NFIA: variants seen among roughly 807,000 people sequenced by gnomAD.
NFIA encodes nuclear factor 1 A-type.
In NFIA, 8 loss-of-function variants were observed where a neutral mutation model predicts 62.8. The observed-to-expected ratio is 0.13, with a 90% CI of 0.07 to 0.23. The LOEUF is 0.23. Among genes scored for constraint, NFIA ranks in the 10% least tolerant of loss-of-function variants. NFIA has a pLI of 1.00. For missense variants in NFIA, 410 were observed against 642.1 expected (o/e 0.64, Z 3.91); for synonymous variants, 235 against 238.1 (o/e 0.99, Z 0.12).
rs570669058 is a variant in NFIA at position 61,220,004 on chromosome 1, T to C, written c.560-57516T>C. On this transcript the variant is annotated intron_variant, in intron 2 of 10. Coordinates refer to ENST00000403491, the MANE Select transcript of NFIA (RefSeq NM_001134673.4). ...AAATAAATAAATAACGCATAATAGC[T>C]TCTATTTGGGGGTGGCAGGTAAACT... Among the ~76,000 whole-genome samples the C allele has an allele frequency of 1.6e-3, 242 of 152,238 alleles. 1 individual carries two copies. The highest frequency in any genetic ancestry group is 5.5e-3 in the African/African-American group (230 of 41,544).
chr1:61,145,179 C>T (rs942371517), intron 2 of NFIA, among the ~76,000 whole-genome samples: 27 of 152,242 alleles, frequency 1.8e-4, no homozygotes, highest in African/African-American at 6.3e-4. Context: ...AGCACTAAGC[C>T]AAGGAGAAAA....
intron 4 of NFIA, among the ~76,000 whole-genome samples, chr1:61,335,479 G>A (rs908075257): frequency 5.3e-5 from 8 of 152,100 alleles, no homozygotes; most frequent in South Asian, 2.1e-4. Flanking sequence ...AGAAGCAACC[G>A]TTTCAGAACT....
intron 2 of NFIA, among the ~76,000 whole-genome samples, chr1:61,149,189 C>A (rs551274440): frequency 6.6e-6 from 1 of 152,046 alleles, no homozygotes; most frequent in African/African-American, 2.4e-5. Flanking sequence ...AGCAACCACA[C>A]CCAGCCTGAA....
intron 2 of NFIA, among the ~76,000 whole-genome samples, chr1:61,161,953 T>G (rs974848107): frequency 6.6e-6 from 1 of 152,140 alleles, no homozygotes; most frequent in African/African-American, 2.4e-5. Flanking sequence ...AGGTAGTGAT[T>G]AAAGTGGTGA....
chr1:61,154,654 G>A (rs1017697395), intron 2 of NFIA, among the ~76,000 whole-genome samples: 2 of 152,174 alleles, frequency 1.3e-5, no homozygotes, highest in Non-Finnish European at 2.9e-5. Context: ...GTTTTGCCAT[G>A]TTGCCCAGAC....
At chr1:61,333,415 C>T (rs746525503) in intron 4 of NFIA, among the ~76,000 whole-genome samples, 5 of 152,104 alleles carry the variant, frequency 3.3e-5, no homozygotes, top group East Asian at 1.9e-4. Context: ...CAGGGCATGA[C>T]GTCAGGTCAA....
intron 2 of NFIA, among the ~76,000 whole-genome samples, chr1:61,182,647 A>T (rs1315600200): frequency 6.6e-6 from 1 of 152,232 alleles, no homozygotes. Flanking sequence ...TGAAATCATA[A>T]CAGTTTGGCT....
intron 4 of NFIA, among the ~76,000 whole-genome samples, chr1:61,341,094 C>T (rs1337058470): frequency 1.5e-5 from 2 of 136,616 alleles, no homozygotes; most frequent in South Asian, 2.3e-4. Flanking sequence ...GATGGAGTCT[C>T]GCTCTGTCAC....
intron 2 of NFIA, among the ~76,000 whole-genome samples, chr1:61,101,910 T>C (rs949269411): frequency 6.6e-6 from 1 of 152,326 alleles, no homozygotes; most frequent in African/African-American, 2.4e-5. Context: ...GAACTATTGC[T>C]TGGCTGATAA....
At chr1:61,430,643 C>A (rs1346680085) in intron 10 of NFIA, among the ~76,000 whole-genome samples, 1 of 90,714 alleles carries the variant, frequency 1.1e-5, no homozygotes, top group African/African-American at 4.7e-5. Context: ...CCTCCTCTTT[C>A]CCTTGTAGTC....
chr1:61,447,729 T>C (rs1165560107), intron 10 of NFIA, among the ~76,000 whole-genome samples: 1 of 152,186 alleles, frequency 6.6e-6, no homozygotes, highest in African/African-American at 2.4e-5. Context: ...GGAAATAAGC[T>C]GTCTCTTTCA....
At chr1:61,202,109 G>T (rs1350170001) in intron 2 of NFIA, among the ~76,000 whole-genome samples, 1 of 152,168 alleles carries the variant, frequency 6.6e-6, no homozygotes. Context: ...AAGGATAGGT[G>T]CCAATGGTAA....
At chr1:61,435,952 T>C (rs1353209740) in intron 10 of NFIA, among the ~76,000 whole-genome samples, 1 of 152,114 alleles carries the variant, frequency 6.6e-6, no homozygotes, top group Non-Finnish European at 1.5e-5. Flanking sequence ...CCCTATGTGT[T>C]TAGGAGATGT....
intron 9 of NFIA, among the ~76,000 whole-genome samples, chr1:61,415,197 AAAT>A (rs1666295270): frequency 1.3e-5 from 2 of 152,182 alleles, no homozygotes; most frequent in African/African-American, 2.4e-5. Context: ...AGTCTGGAAA[AAAT>A]AATGTTTCTT....
intron 2 of NFIA, among the ~76,000 whole-genome samples, chr1:61,184,917 C>CA (rs1450667769): frequency 6.6e-6 from 1 of 152,220 alleles, no homozygotes; most frequent in Non-Finnish European, 1.5e-5. Context: ...AGACATAACA[C>CA]ACAGTTCTCT....
rs186330245 is a variant in NFIA at position 61,276,356 on chromosome 1, G to A, written c.560-1164G>A. ...AAGAGAAGGGTGATGCTATAACTCA[G>A]TTGCTATAGAAGTAATATTTTCTGT... On this transcript the variant is annotated intron_variant, in intron 2 of 10. Transcript: ENST00000403491. Among the ~76,000 whole-genome samples, 202 of 152,278 alleles carry A rather than the reference G, an allele frequency of 1.3e-3. 1 individual carries two copies. The highest frequency in any genetic ancestry group is 4.4e-3 in the African/African-American group (182 of 41,560).
At chr1:61,142,696 CACAGTAGAT>C (rs1647620522) in intron 2 of NFIA, among the ~76,000 whole-genome samples, 1 of 152,168 alleles carries the variant, frequency 6.6e-6, no homozygotes, top group Non-Finnish European at 1.5e-5. Flanking sequence ...CAAATATATA[CACAGTAGAT>C]ACTAACTTTC....
At chr1:61,132,213 C>T (rs1647094039) in intron 2 of NFIA, among the ~76,000 whole-genome samples, 1 of 152,128 alleles carries the variant, frequency 6.6e-6, no homozygotes, top group African/African-American at 2.4e-5. Context: ...TCTGAGAGAT[C>T]AGCACTGAAC....
intron 2 of NFIA, among the ~76,000 whole-genome samples, chr1:61,247,493 C>T (rs920298482): frequency 1.3e-5 from 2 of 152,130 alleles, no homozygotes; most frequent in South Asian, 2.1e-4. Context: ...TCTGGGTCCT[C>T]GTTAATGTCA....
Sources: allele counts gnomAD v4.1 joint callset (sites outside exome capture counted in the v4.1 genomes callset), GRCh38; gene constraint gnomAD v4.1.1; transcripts MANE v1.5; gene names NCBI Gene and HGNC (gene_info 2026-07-23, HGNC 2026-07-21).